NFIX: variants seen among roughly 807,000 people sequenced by gnomAD.
NFIX encodes the protein nuclear factor 1 X-type.
NFIX carries 2 observed loss-of-function variants against 53.3 expected under a neutral mutation model. That is an observed-to-expected ratio of 0.04 (90% CI 0.02 to 0.12). NFIX has a LOEUF of 0.12. Among genes scored for constraint, NFIX ranks in the 10% least tolerant of loss-of-function variants. The pLI is 1.00. For synonymous variants in NFIX, 244 were observed against 289.0 expected, an observed-to-expected ratio of 0.84 and a Z score of 1.58; for missense variants, 310 against 674.5, an observed-to-expected ratio of 0.46 and a Z score of 5.99.
intron 1 of NFIX, among the ~76,000 whole-genome samples, chr19:13,003,924 A>G (rs1007003676): frequency 2.6e-5 from 4 of 151,886 alleles, no homozygotes; most frequent in African/African-American, 9.7e-5. Flanking sequence ...ACAGCCGAGC[A>G]CCACCATACC....
chr19:12,997,048 A>C (rs2011495072), intron 1 of NFIX, among the ~76,000 whole-genome samples: 1 of 152,186 alleles, frequency 6.6e-6, no homozygotes, highest in Non-Finnish European at 1.5e-5. Context: ...CCAGGCCTGC[A>C]TGTGGGGGTT....
chr19:13,035,648 A>G (rs2014134448), intron 2 of NFIX, among the ~76,000 whole-genome samples: 1 of 152,218 alleles, frequency 6.6e-6, no homozygotes, highest in South Asian at 2.1e-4. Context: ...TAAAAATTTA[A>G]CAATAGAGAA....
At position 13,022,254 on chromosome 19, in the gene NFIX, C is replaced by T. The variant is rs1199414586; in HGVS notation, c.28-2767C>T. ...AATAAACTGTTGCAGTTTCTCGAGC[C>T]GAGCTGTGTTGCGTTGGCATCCCTC... On this transcript the variant is annotated intron_variant, in intron 1 of 10. Transcript: ENST00000592199. This position sits in a 1 kb window ranked among gnomAD's most constrained non-coding sequence, Gnocchi z 4.5. Among the ~76,000 whole-genome samples, 2 of 152,074 alleles carry T rather than the reference C, an allele frequency of 1.3e-5. No homozygotes were observed. The highest frequency in any genetic ancestry group is 2.4e-5 in the African/African-American group (1 of 41,412).
chr19:13,000,275 C>T (rs2011629779), intron 1 of NFIX, among the ~76,000 whole-genome samples: 1 of 152,122 alleles, frequency 6.6e-6, no homozygotes, highest in African/African-American at 2.4e-5. Context: ...GTGCCTGGCA[C>T]ATAGTGTGTG....
At chr19:13,020,768 T>C (rs549461872) in intron 1 of NFIX, among the ~76,000 whole-genome samples, 4 of 152,300 alleles carry the variant, frequency 2.6e-5, no homozygotes, top group African/African-American at 9.6e-5. Context: ...CCGTGGAGTT[T>C]TGACCCCCAA....
intron 8 of NFIX, among the ~76,000 whole-genome samples, chr19:13,085,156 C>T (rs2017701996): frequency 6.6e-6 from 1 of 152,080 alleles, no homozygotes; most frequent in Admixed American, 6.6e-5. Flanking sequence ...TAAGGCACTG[C>T]ACAGTCACAA....
rs2013279863 is a variant in NFIX at position 13,025,643 on chromosome 19, C to A, written c.559+91C>A. 1.2e-5 allele frequency: 17 copies of A among 1,449,306 alleles called. No homozygotes were observed. In the South Asian group the frequency reaches 2.2e-4, roughly 19 times the overall value. 89.8% of individuals were successfully genotyped at this position (1,449,306 alleles called of 1,614,324 possible). A position where few individuals can be genotyped will look rare whatever the true frequency, so the allele number is the denominator to read the frequency against. ...TGTTCCTCTAATTTCCAAGCGATAA[C>A]TCGCCATGGGCCTAACTGGTGTATG... is the stretch of plus-strand genomic sequence containing the variant. On this transcript the variant is annotated intron_variant, in intron 2 of 10. Transcript: ENST00000592199. This position sits in a 1 kb window ranked among gnomAD's most constrained non-coding sequence, Gnocchi z 7.5.
chr19:13,079,020 A>C (rs2017295341), intron 7 of NFIX, among the ~76,000 whole-genome samples: 1 of 152,174 alleles, frequency 6.6e-6, no homozygotes, highest in Non-Finnish European at 1.5e-5. Context: ...GCCTGTCCCG[A>C]GTCCTCCCCA....
intron 2 of NFIX, among the ~76,000 whole-genome samples, chr19:13,055,652 G>T (rs1418287588): frequency 6.6e-6 from 1 of 152,144 alleles, no homozygotes; most frequent in Non-Finnish European, 1.5e-5. Flanking sequence ...TGCCTCCTGA[G>T]AGCCCATCTG....
At chr19:13,021,000 G>A (rs751876869) in intron 1 of NFIX, among the ~76,000 whole-genome samples, 4 of 152,066 alleles carry the variant, frequency 2.6e-5, no homozygotes, top group African/African-American at 4.8e-5. Flanking sequence ...CAGGAGGCTC[G>A]TGTTGGCCAT....
chr19:13,034,764 C>T (rs995472326), intron 2 of NFIX, among the ~76,000 whole-genome samples: 1 of 152,080 alleles, frequency 6.6e-6, no homozygotes, highest in Non-Finnish European at 1.5e-5. Context: ...GGAAAACTCT[C>T]GGGGTGTGTA....
At chr19:13,024,896 GA>G in intron 1 of NFIX, 124 bp from the exon 2 acceptor site, 2 of 1,332,264 alleles carry the variant, frequency 1.5e-6, no homozygotes, top group Non-Finnish European at 2.1e-6. Flanking sequence ...AGGAGGAGGA[GA>G]AGGCGGTTTT....
chr19:13,004,017 C>G (rs1339142559), intron 1 of NFIX, among the ~76,000 whole-genome samples: 1 of 152,088 alleles, frequency 6.6e-6, no homozygotes, highest in African/African-American at 2.4e-5. Context: ...TCAGGTGATC[C>G]TCCCGCCTCG....
rs1328055384 is a variant in NFIX at position 13,068,721 on chromosome 19, A to C, written c.560-4326A>C. ...GCCCATGCGGAGGGAGTCCAGTCTT[A>C]TTGCCTGCTCCTTCGTAGCCCTCCC... On this transcript the variant is annotated intron_variant, in intron 2 of 10. Coordinates refer to ENST00000592199, the MANE Select transcript of NFIX (RefSeq NM_001365902.3). The surrounding 1 kb of genome is among the most constrained non-coding windows in gnomAD (Gnocchi z 4.2). 6.6e-6 allele frequency among the ~76,000 whole-genome samples: 1 copy of C among 152,216 alleles called. No individual in the cohort carries two copies. Among genetic ancestry groups the C allele is most frequent in the African/African-American group, 2.4e-5 (1 of 41,454 alleles).
Position 13,094,093 on chromosome 19 carries a change from T to G in NFIX, c.1495-542T>G, listed in dbSNP as rs1001749231. On this transcript the variant is annotated intron_variant, in intron 10 of 10. Coordinates refer to ENST00000592199, the MANE Select transcript of NFIX (RefSeq NM_001365902.3). The surrounding 1 kb of genome is among the most constrained non-coding windows in gnomAD (Gnocchi z 4.3). Reference sequence around the variant, plus strand: ...GCCCCTCCCCCAGGCCTGGCGCTACTAGGGACTGAAGCTGTGTGGTTCCCC... The same window carrying G: ...GCCCCTCCCCCAGGCCTGGCGCTACGAGGGACTGAAGCTGTGTGGTTCCCC... Among the ~76,000 whole-genome samples the G allele has an allele frequency of 3.3e-5, 5 of 152,170 alleles. No individual in the cohort carries two copies. Among genetic ancestry groups the G allele is most frequent in the African/African-American group, 1.2e-4 (5 of 41,430 alleles).
chr19:13,070,715 G>C (rs1033159218), intron 2 of NFIX: 2 of 152,406 alleles, frequency 1.3e-5, no homozygotes, highest in African/African-American at 4.8e-5. Flanking sequence ...GAGGCGCGTG[G>C]CAGGGGCTGC....
rs752702401 is a variant in NFIX, at chr19:13,025,286, A to G, written c.293A>G (p.Lys98Arg). The change falls in exon 2 of 11, where the codon AAG (lysine) becomes AGG (arginine). Residue 98 changes from lysine (K) to arginine (R), a missense_variant. Transcript: ENST00000592199. The surrounding 1 kb of genome is among the most constrained non-coding windows in gnomAD (Gnocchi z 7.5). ...REDFVLTITG[K>R]KPPCCVLSNP... The stretch of plus-strand genomic sequence containing the variant: ...GACTTCGTGCTGACCATCACGGGCA[A>G]GAAGCCCCCCTGCTGCGTGCTCTCC... 6.2e-7 allele frequency: 1 copy of G among 1,614,114 alleles called. No homozygotes were observed.
chr19:13,004,515 AG>A (rs1259268839), intron 1 of NFIX, among the ~76,000 whole-genome samples: 32 of 152,310 alleles, frequency 2.1e-4, no homozygotes, highest in Admixed American at 1.4e-3. Flanking sequence ...CACACCTGGC[AG>A]TGGTTGGAAA....
intron 5 of NFIX, among the ~76,000 whole-genome samples, chr19:13,074,672 A>G (rs566843381): frequency 8.0e-4 from 118 of 146,910 alleles, no homozygotes; most frequent in African/African-American, 2.8e-3. Context: ...GGTTCTGGCC[A>G]GGGCAAGTTG....
Sources: allele counts gnomAD v4.1 joint callset (sites outside exome capture counted in the v4.1 genomes callset), GRCh38; gene constraint gnomAD v4.1.1; non-coding constraint Gnocchi (gnomAD v3.1); transcripts MANE v1.5; gene names NCBI Gene and HGNC (gene_info 2026-07-23, HGNC 2026-07-21).